MTM1: variants seen among roughly 807,000 people sequenced by gnomAD.
MTM1 encodes the protein myotubularin.
In MTM1, 9 loss-of-function variants were observed where a neutral mutation model predicts 52.1. That is an observed-to-expected ratio of 0.17 (90% CI 0.10 to 0.30). The LOEUF (loss-of-function observed/expected upper bound fraction) is 0.30, where lower values mean the gene tolerates loss of function less well. MTM1 is among the 10% of genes least tolerant of loss of function. The pLI, the probability that MTM1 is intolerant of heterozygous loss-of-function variation, is 1.00. For missense variants in MTM1, 277 were observed against 470.7 expected, an observed-to-expected ratio of 0.59 and a Z score of 3.81; for synonymous variants, 136 against 163.8, an observed-to-expected ratio of 0.83 and a Z score of 1.29.
chrX:150,596,490 G>T lies in MTM1; in HGVS notation c.64-8G>T. ...TCATTACTTCTGATGCATCTGTTTT[G>T]TTTCTAGACGTCTCGAGATGGAGTC... On this transcript the variant is annotated splice_region_variant and splice_polypyrimidine_tract_variant and intron_variant, in intron 2 of 14. Coordinates refer to ENST00000370396, the MANE Select transcript of MTM1 (RefSeq NM_000252.3). 8.3e-7 allele frequency: 1 copy of T among 1,203,544 alleles called. No individual in the cohort carries two copies. The highest frequency in any genetic ancestry group is 1.8e-5 in the South Asian group (1 of 56,759).
At chrX:150,629,338 C>A (rs782532035) in intron 6 of MTM1, among the ~76,000 whole-genome samples, 2 of 111,920 alleles carry the variant, frequency 1.8e-5, no homozygotes, top group African/African-American at 3.3e-5. Flanking sequence ...CTTATCCTTC[C>A]AGGGTAGTTC....
chrX:150,638,059 T>C (rs370234896), intron 6 of MTM1, among the ~76,000 whole-genome samples: 9 of 112,287 alleles, frequency 8.0e-5, no homozygotes, highest in Admixed American at 4.7e-4. Context: ...AAGTAAGAGA[T>C]GATGGTGGCT....
chrX:150,583,907 T>TTTA lies in MTM1; in HGVS notation c.-10-8698_-10-8697insTTA, dbSNP rs1231530276. 7.0e-3 allele frequency among the ~76,000 whole-genome samples: 321 copies of TTTA among 45,630 alleles called. 18 individuals are homozygous for TTTA. The highest frequency in any genetic ancestry group is 0.017 in the African/African-American group (239 of 13,956). 39.6% of individuals were successfully genotyped at this position (45,630 alleles called of 115,157 possible). A position where few individuals can be genotyped will look rare whatever the true frequency, so the allele number is the denominator to read the frequency against. On this transcript the variant is annotated intron_variant, in intron 1 of 14. Coordinates refer to ENST00000370396, the MANE Select transcript of MTM1 (RefSeq NM_000252.3). ...TATATATATATATTTGATATATATA[T>TTTA]ATATAATATAAAATATATATTAAAT...
At chrX:150,607,707 A>G (rs1389013727) in intron 4 of MTM1, among the ~76,000 whole-genome samples, 3 of 111,034 alleles carry the variant, frequency 2.7e-5, no homozygotes, top group Non-Finnish European at 5.7e-5. Flanking sequence ...TTGCTTTCCA[A>G]TTCTCTAGCT....
intron 1 of MTM1, among the ~76,000 whole-genome samples, chrX:150,586,871 A>C (rs782449337): frequency 4.9e-4 from 51 of 103,842 alleles, no homozygotes; most frequent in Non-Finnish European, 9.1e-4. Context: ...CTGAGGTGGT[A>C]CCACTGCACT....
In MTM1 at chrX:150,638,959, T is replaced by C; in HGVS notation, c.461T>C (p.Leu154Ser). The C allele has an allele frequency of 8.3e-7, 1 of 1,207,069 alleles. No individual in the cohort carries two copies. The highest frequency in any genetic ancestry group is 1.1e-6 in the Non-Finnish European group (1 of 891,184). Residue 154 changes from leucine to serine, a missense_variant, in exon 7 of 15, where the codon TTA becomes TCA. This residue lies in a region of MTM1 where 164 missense variants were observed against 283.3 expected (regional missense o/e 0.58). Transcript: ENST00000370396. ...CTTTTCTAGCCATTATTTGCATTTT[T>C]AAATGAAGAAAAGTTTAACGTGGAT... is the stretch of plus-strand genomic sequence containing the variant. ...LAHSLPLFAF[L>S]NEEKFNVDGW...
At chrX:150,644,476 TTTCTC>T (rs1460170636) in intron 8 of MTM1, among the ~76,000 whole-genome samples, 1 of 112,238 alleles carries the variant, frequency 8.9e-6, no homozygotes, top group East Asian at 2.8e-4. Context: ...TGTATAATCT[TTTCTC>T]AATAACCTGT....
At chrX:150,601,881 C>T (rs929463955) in intron 4 of MTM1, among the ~76,000 whole-genome samples, 1 of 112,277 alleles carries the variant, frequency 8.9e-6, no homozygotes, top group African/African-American at 3.2e-5. Context: ...ATCACTTCTT[C>T]CCAAGTGCAT....
At chrX:150,656,058 T>C (rs2040107935) in intron 10 of MTM1, among the ~76,000 whole-genome samples, 1 of 111,512 alleles carries the variant, frequency 9.0e-6, no homozygotes, top group African/African-American at 3.3e-5. Context: ...ATTGCCAATT[T>C]AAAGGTCAAA....
In MTM1 at chrX:150,614,035, G is replaced by A. The variant is rs782555357; in HGVS notation, c.232-554G>A. 8.9e-5 allele frequency among the ~76,000 whole-genome samples: 10 copies of A among 112,154 alleles called. No homozygotes were observed. In the South Asian group the frequency reaches 1.1e-3, roughly 12 times the overall value. On this transcript the variant is annotated intron_variant, in intron 4 of 14. Transcript: ENST00000370396. ...GTGAAGCAAGTGGTTAACAGCAGTC[G>A]GAATCAAGTGCTATGGAACTTCTGA...
At chrX:150,663,898 T>G (rs1208077072) in intron 14 of MTM1, among the ~76,000 whole-genome samples, 5 of 112,008 alleles carry the variant, frequency 4.5e-5, no homozygotes, top group Non-Finnish European at 9.4e-5. Context: ...TTTGATCACT[T>G]GAAGTAGTTA....
chrX:150,672,252 C>T lies in MTM1; in HGVS notation c.*657C>T, dbSNP rs1282641001. ...ATATTTTTAAAAAACTGACAGGGCCCAGTTAAATATGATTTGCATTTTTTA... is the reference window on the plus strand; with the variant it reads ...ATATTTTTAAAAAACTGACAGGGCCTAGTTAAATATGATTTGCATTTTTTA... On this transcript the variant is annotated 3_prime_UTR_variant, in exon 15 of 15. Transcript: ENST00000370396. 8.9e-5 allele frequency: 10 copies of T among 112,011 alleles called. No homozygotes were observed. The highest frequency in any genetic ancestry group is 3.2e-4 in the African/African-American group (10 of 30,793). The allele number at this position is 112,011 out of a possible 1,213,427, so 9.2% of individuals were successfully genotyped here. A position where few individuals can be genotyped will look rare whatever the true frequency, so the allele number is the denominator to read the frequency against.
At chrX:150,662,274 A>T (rs1329114013) in intron 13 of MTM1, among the ~76,000 whole-genome samples, 1 of 112,497 alleles carries the variant, frequency 8.9e-6, no homozygotes, top group Non-Finnish European at 1.9e-5. Context: ...GAGAAAGGCA[A>T]AATTATGCTG....
chrX:150,563,879 C>T (rs900118267), upstream of MTM1, among the ~76,000 whole-genome samples: 2 of 111,348 alleles, frequency 1.8e-5, no homozygotes, highest in South Asian at 7.5e-4. Flanking sequence ...GAGTAAAACT[C>T]TGTCTCAAAA....
chrX:150,603,495 C>T (rs2039100898), intron 4 of MTM1, among the ~76,000 whole-genome samples: 1 of 111,538 alleles, frequency 9.0e-6, no homozygotes, highest in African/African-American at 3.3e-5. Context: ...GGCCTTAATA[C>T]AGTCATAGTG....
At chrX:150,583,365 AT>A (rs1471905341) in intron 1 of MTM1, among the ~76,000 whole-genome samples, 8 of 22,291 alleles carry the variant, frequency 3.6e-4, no homozygotes, top group African/African-American at 3.7e-4. Context: ...ATATATATAA[AT>A]TATATATATT....
At chrX:150,637,171 A>G (rs1003981753) in intron 6 of MTM1, among the ~76,000 whole-genome samples, 5 of 112,240 alleles carry the variant, frequency 4.5e-5, no homozygotes, top group African/African-American at 1.6e-4. Flanking sequence ...TGTGGAGAGC[A>G]TGTTCTTGGG....
intron 8 of MTM1, among the ~76,000 whole-genome samples, chrX:150,644,154 A>G (rs1490024444): frequency 3.6e-5 from 4 of 111,616 alleles, no homozygotes; most frequent in Non-Finnish European, 7.5e-5. Context: ...AATAATAAAA[A>G]ATATTAAAAA....
chrX:150,571,059 T>G (rs1472297125), intron 1 of MTM1, among the ~76,000 whole-genome samples: 1 of 111,814 alleles, frequency 8.9e-6, no homozygotes, highest in Non-Finnish European at 1.9e-5. Context: ...TGAAAACACA[T>G]GGTTCTTGCT....
Sources: allele counts gnomAD v4.1 joint callset (sites outside exome capture counted in the v4.1 genomes callset), GRCh38; gene constraint gnomAD v4.1.1; regional missense constraint gnomAD v4.1.1; transcripts MANE v1.5; gene names NCBI Gene and HGNC (gene_info 2026-07-23, HGNC 2026-07-21).